Variants in UST observed in about 807,000 individuals in gnomAD.
UST encodes chondroitin sulfate 2-O-sulfotransferase.
A neutral mutation model predicts 45.6 loss-of-function variants in UST; 21 were observed. That is an observed-to-expected ratio of 0.46 (90% confidence interval 0.33 to 0.66). UST has a LOEUF of 0.66. Among genes scored for constraint, UST ranks in the 30% least tolerant of loss-of-function variants. The probability of loss-of-function intolerance (pLI) is 0.02; values close to 1 mark genes in which losing one functional copy is unlikely to be tolerated. For missense variants in UST, 463 were observed against 512.4 expected, an observed-to-expected ratio of 0.90 and a Z score of 0.93; for synonymous variants, 215 against 200.6, an observed-to-expected ratio of 1.07 and a Z score of -0.61.
At chr6:148,799,385 CT>C (rs934765373) in intron 1 of UST, among the ~76,000 whole-genome samples, 9 of 152,114 alleles carry the variant, frequency 5.9e-5, no homozygotes, top group Non-Finnish European at 1.0e-4. Context: ...GTGTGCTTTC[CT>C]TTGTGTCTGT....
At chr6:148,930,136 T>A (rs1779893043) in intron 2 of UST, among the ~76,000 whole-genome samples, 1 of 152,282 alleles carries the variant, frequency 6.6e-6, no homozygotes, top group Middle Eastern at 3.4e-3. Flanking sequence ...CAAGGCCAAG[T>A]TGATCACCCC....
At chr6:148,837,209 T>G (rs2114767138) in intron 1 of UST, among the ~76,000 whole-genome samples, 1 of 152,278 alleles carries the variant, frequency 6.6e-6, no homozygotes, top group Middle Eastern at 3.4e-3. Context: ...TGAAGACAGG[T>G]AATTCATGTC....
At chr6:148,897,165 A>C (rs957695296) in intron 2 of UST, among the ~76,000 whole-genome samples, 3 of 151,776 alleles carry the variant, frequency 2.0e-5, no homozygotes, top group African/African-American at 7.3e-5. Context: ...TTTACTTTTA[A>C]AATTTTTTTA....
At chr6:148,802,112 C>T (rs1312116041) in intron 1 of UST, among the ~76,000 whole-genome samples, 1 of 152,184 alleles carries the variant, frequency 6.6e-6, no homozygotes, top group African/African-American at 2.4e-5. Context: ...TGCCCAAGTC[C>T]CCATGCGGGG....
chr6:148,787,620 C>A (rs981543114), intron 1 of UST, among the ~76,000 whole-genome samples: 5 of 152,178 alleles, frequency 3.3e-5, no homozygotes, highest in African/African-American at 1.2e-4. Flanking sequence ...AGTCGGGTAG[C>A]ATGATGCCTC....
intron 1 of UST, among the ~76,000 whole-genome samples, chr6:148,754,239 G>T (rs1271782429): frequency 6.6e-6 from 1 of 151,900 alleles, no homozygotes; most frequent in African/African-American, 2.4e-5. Context: ...CTCGTGATTC[G>T]CCCGCCTCGG....
chr6:149,074,240 A>G lies in UST; in HGVS notation c.*124A>G. 1.8e-6 allele frequency: 2 copies of G among 1,103,098 alleles called. No individual in the cohort carries two copies. The highest frequency in any genetic ancestry group is 2.6e-6 in the Non-Finnish European group (2 of 775,996). 68.3% of individuals were successfully genotyped at this position (1,103,098 alleles called of 1,614,324 possible). ...ATTAAAAAGAACAAAACATTCCCAC[A>G]TGTTGGGGTCATTGGGAGATGCCCG... On this transcript the variant is annotated 3_prime_UTR_variant, in exon 8 of 8. Coordinates refer to ENST00000367463, the MANE Select transcript of UST (RefSeq NM_005715.3).
At chr6:148,870,892 A>G (rs553935034) in intron 1 of UST, among the ~76,000 whole-genome samples, 2 of 152,192 alleles carry the variant, frequency 1.3e-5, no homozygotes, top group East Asian at 3.9e-4. Flanking sequence ...TTATTTTATC[A>G]TCCTTTGTTT....
At chr6:149,048,108 C>T (rs1776419495) in intron 7 of UST, among the ~76,000 whole-genome samples, 1 of 148,198 alleles carries the variant, frequency 6.7e-6, no homozygotes, top group South Asian at 2.1e-4. Context: ...TAATAAATTC[C>T]AGATGGTCTA....
intron 7 of UST, among the ~76,000 whole-genome samples, chr6:149,025,928 C>G (rs1051850545): frequency 6.6e-6 from 1 of 152,014 alleles, no homozygotes; most frequent in African/African-American, 2.4e-5. Flanking sequence ...GTGGGTGGAT[C>G]ACGAGGTCAG....
In UST at chr6:148,964,460, A is replaced by G. The variant is rs1001881262; in HGVS notation, c.578A>G (p.Asn193Ser). Residue 193 changes from asparagine to serine, a missense_variant, in exon 5 of 8, where the codon AAC becomes AGC. Asn to Ser is a conservative substitution (Grantham distance 46, BLOSUM62 1). Around this residue, in one of 2 missense-constraint regions of UST, gnomAD observed 287 missense variants for 374.2 expected, o/e 0.77. Transcript: ENST00000367463. ...ATCAACATCATTAGAGACCCCGTCAACCGGTTCTTATCCAACTATTTTTTC... is the reference window on the plus strand; with the variant it reads ...ATCAACATCATTAGAGACCCCGTCAGCCGGTTCTTATCCAACTATTTTTTC... ...VYINIIRDPVNRFLSNYFFRR... is the reference protein window; with the variant it reads ...VYINIIRDPVSRFLSNYFFRR... 1.2e-5 allele frequency: 19 copies of G among 1,614,072 alleles called. No individual in the cohort carries two copies. The highest frequency in any genetic ancestry group is 1.6e-4 in the Middle Eastern group (1 of 6,084).
At chr6:149,067,570 G>A (rs1358483694) in intron 7 of UST, among the ~76,000 whole-genome samples, 1 of 152,156 alleles carries the variant, frequency 6.6e-6, no homozygotes. Flanking sequence ...GCCTCCTCAT[G>A]TTCTGACTAG....
At chr6:148,909,119 A>G (rs1223675009) in intron 2 of UST, among the ~76,000 whole-genome samples, 1 of 152,094 alleles carries the variant, frequency 6.6e-6, no homozygotes, top group Non-Finnish European at 1.5e-5. Context: ...TTTTATTGGA[A>G]ATAATATTTA....
chr6:149,073,619 T>C (rs550492428), intron 7 of UST, among the ~76,000 whole-genome samples: 1 of 152,228 alleles, frequency 6.6e-6, no homozygotes, highest in Non-Finnish European at 1.5e-5. Context: ...GGAAATTTGA[T>C]AGCTTGTGCT....
intron 2 of UST, among the ~76,000 whole-genome samples, chr6:148,896,992 A>C (rs1215698915): frequency 6.6e-6 from 1 of 152,162 alleles, no homozygotes; most frequent in Non-Finnish European, 1.5e-5. Context: ...TGCACTTAGC[A>C]TGATGCCTGA....
intron 1 of UST, among the ~76,000 whole-genome samples, chr6:148,836,142 G>A (rs1281799443): frequency 6.6e-6 from 1 of 152,204 alleles, no homozygotes; most frequent in East Asian, 1.9e-4. Flanking sequence ...ACACGGGAGG[G>A]TTGGGGGAGC....
At chr6:148,913,383 G>A (rs944953469) in intron 2 of UST, among the ~76,000 whole-genome samples, 1 of 145,820 alleles carries the variant, frequency 6.9e-6, no homozygotes, top group South Asian at 2.2e-4. Context: ...GTATCTATAG[G>A]AGCAAGCAAT....
chr6:148,946,500 G>T (rs1219013673), intron 3 of UST, among the ~76,000 whole-genome samples: 1 of 71,252 alleles, frequency 1.4e-5, no homozygotes, highest in African/African-American at 4.7e-5. Context: ...GACAGAGCAA[G>T]ACTCCATCTC....
intron 2 of UST, among the ~76,000 whole-genome samples, chr6:148,912,313 A>G (rs1779491808): frequency 6.6e-6 from 1 of 152,286 alleles, no homozygotes; most frequent in African/African-American, 2.4e-5. Flanking sequence ...GAAAGTTTCA[A>G]TCCATGAGTT....
Sources: allele counts gnomAD v4.1 joint callset (sites outside exome capture counted in the v4.1 genomes callset), GRCh38; gene constraint gnomAD v4.1.1; regional missense constraint gnomAD v4.1.1; transcripts MANE v1.5; gene names NCBI Gene and HGNC (gene_info 2026-07-23, HGNC 2026-07-21).